The following MYCBP2 variants were observed in gnomAD, a reference collection of about 807,000 sequenced individuals.
MYCBP2 encodes E3 ubiquitin-protein ligase MYCBP2.
In MYCBP2, 120 loss-of-function variants were observed where a neutral mutation model predicts 525.3. The ratio of observed to expected loss-of-function variants is 0.23; its 90% CI spans 0.20 to 0.27. The LOEUF (loss-of-function observed/expected upper bound fraction) is 0.27. MYCBP2 is among the 10% of genes least tolerant of loss of function. The pLI is 1.00. For missense variants in MYCBP2, 4,149 were observed against 5,657.1 expected, an observed-to-expected ratio of 0.73 and a Z score of 8.55; for synonymous variants, 1,894 against 1,955.8, an observed-to-expected ratio of 0.97 and a Z score of 0.83.
intron 34 of MYCBP2, among the ~76,000 whole-genome samples, chr13:77,178,244 T>A (rs1595165569): frequency 6.6e-6 from 1 of 152,330 alleles, no homozygotes; most frequent in East Asian, 1.9e-4. Context: ...TCATAATGTA[T>A]GAATAAATCA....
chr13:77,227,077 G>A (rs993769128), intron 18 of MYCBP2, among the ~76,000 whole-genome samples: 1 of 152,104 alleles, frequency 6.6e-6, no homozygotes, highest in African/African-American at 2.4e-5. Context: ...CTGAAGGCAC[G>A]TTGAAGGAAT....
At chr13:77,138,881 T>C (rs754380849) in intron 52 of MYCBP2, among the ~76,000 whole-genome samples, 3 of 152,308 alleles carry the variant, frequency 2.0e-5, no homozygotes, top group African/African-American at 7.2e-5. Flanking sequence ...CACAGCTGTA[T>C]AAATAAGAAA....
intron 18 of MYCBP2, among the ~76,000 whole-genome samples, chr13:77,225,960 A>G (rs1311602286): frequency 2.0e-5 from 3 of 152,240 alleles, no homozygotes; most frequent in Non-Finnish European, 4.4e-5. Flanking sequence ...AGTACTAGCC[A>G]TTTTTAAAAA....
Position 77,267,409 on chromosome 13 carries a change from AAAATT to A in MYCBP2, c.1357+427_1357+431del, listed in dbSNP as rs1230633769. Among the ~76,000 whole-genome samples, 665 of 147,246 alleles carry A rather than the reference AAAATT, an allele frequency of 4.5e-3. 6 individuals carry two copies. Among genetic ancestry groups the A allele is most frequent in the African/African-American group, 0.015 (622 of 40,744 alleles). On this transcript the variant is annotated intron_variant, in intron 8 of 82. Transcript: ENST00000544440. ...CCTTTAACATAAAATAAAATAAAAT[AAAATT>A]AAATTAAATTAAATAAAATTAAATT...
At chr13:77,246,584 A>G (rs1471288515) in intron 15 of MYCBP2, among the ~76,000 whole-genome samples, 1 of 150,448 alleles carries the variant, frequency 6.6e-6, no homozygotes, top group Non-Finnish European at 1.5e-5. Flanking sequence ...GGAGGAAAAG[A>G]AGGAGAAGGA....
intron 52 of MYCBP2, among the ~76,000 whole-genome samples, chr13:77,138,711 C>G (rs2054136582): frequency 6.6e-6 from 1 of 152,012 alleles, no homozygotes; most frequent in African/African-American, 2.4e-5. Context: ...CAACGGAGCA[C>G]CACAAATCTA....
rs1297391632 is a variant in MYCBP2 at position 77,212,129 on chromosome 13, A to G, written c.3089T>C (p.Val1030Ala). 2 of 1,613,992 alleles carry G rather than the reference A, an allele frequency of 1.2e-6. No individual in the cohort carries two copies. The highest frequency in any genetic ancestry group is 1.7e-6 in the Non-Finnish European group (2 of 1,179,996). ...KGQLGRPILD[V>A]PYWNAKPAPM... Reference sequence around the variant, plus strand: ...AGCTGGCTTTGCATTCCAATATGGCACATCCAAAATTGGTCTGCCCAGTTG... The same window carrying G: ...AGCTGGCTTTGCATTCCAATATGGCGCATCCAAAATTGGTCTGCCCAGTTG... The change falls in exon 22 of 83, where the codon GTG becomes GCG. Residue 1030 changes from valine to alanine, a missense_variant. Val to Ala is a moderately conservative substitution (Grantham distance 64, BLOSUM62 0). This residue lies in a region of MYCBP2 where 620 missense variants were observed against 795.5 expected (regional missense o/e 0.78). Transcript: ENST00000544440.
chr13:77,259,899 T>C (rs1387264224), intron 13 of MYCBP2, among the ~76,000 whole-genome samples: 4 of 152,202 alleles, frequency 2.6e-5, no homozygotes, highest in African/African-American at 9.7e-5. Context: ...ACCATTTAGC[T>C]AGTTCTACCC....
At chr13:77,131,388 A>G (rs2052766984) in intron 52 of MYCBP2, among the ~76,000 whole-genome samples, 2 of 152,096 alleles carry the variant, frequency 1.3e-5, no homozygotes, top group South Asian at 2.1e-4. Context: ...GCATGGTAGT[A>G]CATGCCTGTA....
chr13:77,057,116 A>G lies in MYCBP2; in HGVS notation c.13330-23T>C. On this transcript the variant is annotated intron_variant, in intron 78 of 82. Transcript: ENST00000544440. ...CAGCTTAAATAAACAAAAGAAAAGG[A>G]CATAAGCAAATATAATAATGATAAA... 1.3e-6 allele frequency: 2 copies of G among 1,505,478 alleles called. 1 individual carries two copies. The highest frequency in any genetic ancestry group is 1.8e-6 in the Non-Finnish European group (2 of 1,081,878). The allele number at this position is 1,505,478 out of a possible 1,614,324, so 93.3% of individuals were successfully genotyped here.
intron 2 of MYCBP2, among the ~76,000 whole-genome samples, chr13:77,294,104 C>CCATATA (rs1297038387): frequency 1.4e-4 from 6 of 41,920 alleles, no homozygotes; most frequent in Non-Finnish European, 2.1e-4. Context: ...GATATAATGG[C>CCATATA]TATATATATA....
intron 46 of MYCBP2, among the ~76,000 whole-genome samples, chr13:77,153,403 G>A (rs758814217): frequency 7.9e-5 from 12 of 152,178 alleles, no homozygotes; most frequent in South Asian, 2.1e-4. Context: ...TGAGCCACAC[G>A]ACACCCACGT....
intron 55 of MYCBP2, among the ~76,000 whole-genome samples, chr13:77,120,076 C>T (rs1309014207): frequency 2.6e-5 from 4 of 152,008 alleles, no homozygotes; most frequent in Non-Finnish European, 5.9e-5. Flanking sequence ...CAATGACAGA[C>T]AGTTTAAAGA....
intron 32 of MYCBP2, among the ~76,000 whole-genome samples, chr13:77,183,541 CTTTTTTTTTTTTTTT>C (rs60927409): frequency 6.1e-5 from 4 of 66,076 alleles, no homozygotes; most frequent in Middle Eastern, 0.026. Flanking sequence ...GTCCCTATTT[CTTTTTTTTTTTTTTT>C]TTTTTTTTTT....
intron 1 of MYCBP2, among the ~76,000 whole-genome samples, chr13:77,323,262 C>T (rs970968278): frequency 3.3e-5 from 5 of 152,224 alleles, no homozygotes; most frequent in African/African-American, 1.2e-4. Flanking sequence ...CTCTTAACCA[C>T]TTTGTTAGAC....
intron 17 of MYCBP2, among the ~76,000 whole-genome samples, chr13:77,241,443 A>C (rs796271802): frequency 7.2e-5 from 11 of 152,304 alleles, no homozygotes; most frequent in African/African-American, 2.6e-4. Flanking sequence ...CGCTCAACCT[A>C]ATATTTCTAA....
At chr13:77,319,271 C>G (rs928520293) in intron 1 of MYCBP2, among the ~76,000 whole-genome samples, 1 of 152,150 alleles carries the variant, frequency 6.6e-6, no homozygotes, top group Non-Finnish European at 1.5e-5. Flanking sequence ...AGTCTGCAAG[C>G]AACCCCTCTA....
chr13:77,188,073 CAA>C (rs745537934), intron 30 of MYCBP2, among the ~76,000 whole-genome samples: 42 of 53,184 alleles, frequency 7.9e-4, no homozygotes, highest in African/African-American at 1.7e-3. Flanking sequence ...TCTGCCTCAC[CAA>C]AAAAAAAAAA....
chr13:77,203,972 G>A (rs527595202), intron 26 of MYCBP2, among the ~76,000 whole-genome samples: 218 of 152,094 alleles, frequency 1.4e-3, no homozygotes, highest in African/African-American at 4.8e-3. Flanking sequence ...TTACCATTCA[G>A]GACATAGGCA....
Sources: allele counts gnomAD v4.1 joint callset (sites outside exome capture counted in the v4.1 genomes callset), GRCh38; gene constraint gnomAD v4.1.1; regional missense constraint gnomAD v4.1.1; transcripts MANE v1.5; gene names NCBI Gene and HGNC (gene_info 2026-07-23, HGNC 2026-07-21).